The following GRK4 variants were observed in gnomAD, a reference collection of about 807,000 sequenced individuals.
The protein encoded by GRK4 is G protein-coupled receptor kinase 2-like.
In GRK4, 73 loss-of-function variants were observed where a neutral mutation model predicts 77.9. The observed-to-expected ratio is 0.94, with a 90% CI of 0.78 to 1.14. The LOEUF (loss-of-function observed/expected upper bound fraction) is 1.14, where lower values mean the gene tolerates loss of function less well. Ranked by LOEUF, GRK4 falls within the 50% of genes most tolerant of loss-of-function variation. The pLI is 0.00. For missense variants in GRK4, 729 were observed against 700.2 expected (o/e 1.04, Z -0.46); for synonymous variants, 257 against 254.4 (o/e 1.01, Z -0.10).
In GRK4 at chr4:2,988,075, C is replaced by CAAAAAAAAAAAAAAAAAAAAAAAAAAAA. The variant is rs67664476; in HGVS notation, c.149-628_149-627insAAAAAAAAAAAAAAAAAAAAAAAAAAAA. On this transcript the variant is annotated intron_variant, in intron 2 of 15. Transcript: ENST00000398052. ...TGGATGACAGAGTGAGGCTCTGTCT[C>CAAAAAAAAAAAAAAAAAAAAAAAAAAAA]AAAAAAAAAAAAAAAAAAAAAAAAG... Among the ~76,000 whole-genome samples the CAAAAAAAAAAAAAAAAAAAAAAAAAAAA allele has an allele frequency of 1.6e-3, 53 of 33,682 alleles. 3 individuals are homozygous for CAAAAAAAAAAAAAAAAAAAAAAAAAAAA. The highest frequency in any genetic ancestry group is 2.0e-3 in the Admixed American group (6 of 3,034). The allele number at this position is 33,682 out of a possible 152,430, so 22.1% of individuals were successfully genotyped here.
At chr4:2,972,124 GC>G (rs1408419273) in intron 1 of GRK4, among the ~76,000 whole-genome samples, 1 of 152,144 alleles carries the variant, frequency 6.6e-6, no homozygotes, top group East Asian at 1.9e-4. Context: ...GGATCCTTGG[GC>G]CTTCAAACAC....
At chr4:2,989,659 C>G (rs1015153345) in intron 3 of GRK4, among the ~76,000 whole-genome samples, 2 of 152,142 alleles carry the variant, frequency 1.3e-5, no homozygotes, top group African/African-American at 4.8e-5. Context: ...CTCAACTGGC[C>G]AATGCTCTTA....
At chr4:3,000,487 T>TG (rs1318015619) in intron 4 of GRK4, among the ~76,000 whole-genome samples, 2 of 152,188 alleles carry the variant, frequency 1.3e-5, no homozygotes, top group Non-Finnish European at 2.9e-5. Context: ...GTCCAGTGCC[T>TG]GGAACAATGC....
At chr4:3,012,592 TC>T (rs1312621153) in intron 7 of GRK4, among the ~76,000 whole-genome samples, 1 of 152,002 alleles carries the variant, frequency 6.6e-6, no homozygotes, top group Non-Finnish European at 1.5e-5. Context: ...TTTAAAGCAG[TC>T]CCCTGTGGGG....
chr4:3,036,112 C>A (rs751732595), intron 13 of GRK4, among the ~76,000 whole-genome samples: 1 of 152,262 alleles, frequency 6.6e-6, no homozygotes, highest in Non-Finnish European at 1.5e-5. Flanking sequence ...TGAGCCACTA[C>A]GCCTGGCCAC....
At chr4:3,000,168 G>A (rs1319881819) in intron 4 of GRK4, among the ~76,000 whole-genome samples, 1 of 152,136 alleles carries the variant, frequency 6.6e-6, no homozygotes, top group African/African-American at 2.4e-5. Flanking sequence ...AGCCCCAGAA[G>A]TCTCAGTTCT....
chr4:3,036,404 G>C lies in GRK4; in HGVS notation c.1407+881G>C, dbSNP rs188799221. Among the ~76,000 whole-genome samples, 325 of 152,380 alleles carry C rather than the reference G, an allele frequency of 2.1e-3. 2 individuals are homozygous for C. The highest frequency in any genetic ancestry group is 6.8e-3 in the Middle Eastern group (2 of 294). The stretch of plus-strand genomic sequence containing the variant: ...TGAGGGTATGAATGAGTGAAGAGCA[G>C]CTACTCTAACAGCTGTGCTGACCGT... On this transcript the variant is annotated intron_variant, in intron 13 of 15. Transcript: ENST00000398052.
In GRK4 at chr4:3,007,752, C is replaced by G; in HGVS notation, c.460C>G (p.Leu154Val). 6.2e-7 allele frequency: 1 copy of G among 1,604,018 alleles called. No homozygotes were observed. Among genetic ancestry groups the G allele is most frequent in the Non-Finnish European group, 8.5e-7 (1 of 1,175,110 alleles). Residue 154 changes from leucine to valine, a missense_variant, in exon 6 of 16, where the codon CTA (leucine) becomes GTA (valine). Leu to Val is a conservative substitution (Grantham distance 32). Transcript: ENST00000398052. ...TTTTTCTAGAGTTGCCCATAACTACCTAAGAGGGGAACCATTTGAAGAATA... is the reference window on the plus strand; with the variant it reads ...TTTTTCTAGAGTTGCCCATAACTACGTAAGAGGGGAACCATTTGAAGAATA... ...EECTRVAHNY[L>V]RGEPFEEYQE...
intron 1 of GRK4, among the ~76,000 whole-genome samples, chr4:2,978,904 C>G (rs1356955200): frequency 6.6e-6 from 1 of 151,306 alleles, no homozygotes; most frequent in Non-Finnish European, 1.5e-5. Flanking sequence ...ACCAGCCTGG[C>G]CCACATGCTG....
intron 10 of GRK4, among the ~76,000 whole-genome samples, chr4:3,023,862 C>T (rs538146536): frequency 6.6e-6 from 1 of 152,210 alleles, no homozygotes; most frequent in Admixed American, 6.5e-5. Context: ...TAGTGTGCTC[C>T]CTTTTGTGTA....
chr4:3,028,535 G>C (rs73084159), intron 11 of GRK4, among the ~76,000 whole-genome samples: 1,724 of 152,326 alleles, frequency 0.011, 15 homozygotes, highest in African/African-American at 0.024. Context: ...GCATGGCTCT[G>C]TGTGTCTGGA....
chr4:2,989,849 G>T (rs551892093), intron 3 of GRK4, among the ~76,000 whole-genome samples: 1 of 152,182 alleles, frequency 6.6e-6, no homozygotes, highest in South Asian at 2.1e-4. Context: ...AGTCTTTGTG[G>T]GTACCATTGG....
chr4:3,033,640 A>G (rs1047505810), intron 12 of GRK4, among the ~76,000 whole-genome samples: 4 of 152,184 alleles, frequency 2.6e-5, no homozygotes, highest in Non-Finnish European at 5.9e-5. Context: ...AGGTTGGAGT[A>G]CAGTGGTGCG....
chr4:2,986,268 G>T (rs532800413), intron 2 of GRK4, among the ~76,000 whole-genome samples: 14 of 138,376 alleles, frequency 1.0e-4, no homozygotes, highest in Non-Finnish European at 1.7e-4. Context: ...TATGGATGGG[G>T]TAGAACATTT....
At position 2,998,202 on chromosome 4, in the gene GRK4, A is replaced by G. The variant is rs536245263; in HGVS notation, c.339+5910A>G. The stretch of plus-strand genomic sequence containing the variant: ...TGAAACCCCCGTCTGTACTAAAAAT[A>G]CAAAAATTAGCTGGGCATGGTGGTA... On this transcript the variant is annotated intron_variant, in intron 4 of 15. Coordinates refer to ENST00000398052, the MANE Select transcript of GRK4 (RefSeq NM_182982.3). 2.8e-4 allele frequency among the ~76,000 whole-genome samples: 42 copies of G among 152,286 alleles called. No individual in the cohort carries two copies. The South Asian group carries it at 8.5e-3, about 31-fold the overall frequency.
chr4:3,009,038 A>G (rs1732126671), intron 6 of GRK4, among the ~76,000 whole-genome samples: 2 of 152,186 alleles, frequency 1.3e-5, no homozygotes, highest in Non-Finnish European at 2.9e-5. Context: ...ATGAACATAC[A>G]TATTTCCTAG....
At chr4:3,007,943 T>C (rs929136654) in intron 6 of GRK4, 115 bp downstream of exon 6, 22 of 650,412 alleles carry the variant, frequency 3.4e-5, no homozygotes, top group Non-Finnish European at 5.6e-5. Context: ...TTCAAGGCTA[T>C]AGTACGGGAT....
intron 1 of GRK4, among the ~76,000 whole-genome samples, chr4:2,979,110 A>G (rs573661478): frequency 6.6e-6 from 1 of 151,978 alleles, no homozygotes; most frequent in South Asian, 2.1e-4. Flanking sequence ...CTATAGTCCC[A>G]CCTACTTGGG....
intron 2 of GRK4, chr4:2,987,195 A>G (rs749052647): frequency 2.0e-6 from 1 of 500,982 alleles, no homozygotes; most frequent in Non-Finnish European, 3.9e-6. Flanking sequence ...GACATTTCAT[A>G]TAAATGGGAA....
Sources: allele counts gnomAD v4.1 joint callset (sites outside exome capture counted in the v4.1 genomes callset), GRCh38; gene constraint gnomAD v4.1.1; transcripts MANE v1.5; gene names NCBI Gene and HGNC (gene_info 2026-07-23, HGNC 2026-07-21).